Variants in PTK7 observed in about 807,000 individuals in gnomAD.
The protein encoded by PTK7 is protein tyrosine kinase 7 (inactive).
In PTK7, 39 loss-of-function variants were observed where a neutral mutation model predicts 116.6. The ratio of observed to expected loss-of-function variants is 0.33; its 90% CI spans 0.26 to 0.44. The LOEUF (loss-of-function observed/expected upper bound fraction) is 0.44, where lower values mean the gene tolerates loss of function less well. Among genes scored for constraint, PTK7 ranks in the 20% least tolerant of loss-of-function variants. The probability of loss-of-function intolerance (pLI) is 1.00; values close to 1 mark genes in which losing one functional copy is unlikely to be tolerated. For missense variants in PTK7, 1,169 were observed against 1,425.6 expected, an observed-to-expected ratio of 0.82 and a Z score of 2.90; for synonymous variants, 546 against 563.6, an observed-to-expected ratio of 0.97 and a Z score of 0.44.
At chr6:43,091,397 C>G (rs1215350883) in intron 1 of PTK7, among the ~76,000 whole-genome samples, 1 of 152,134 alleles carries the variant, frequency 6.6e-6, no homozygotes, top group Non-Finnish European at 1.5e-5. Context: ...CAACTCCTGA[C>G]CTCAGGTGAT....
rs555659893 is a variant in PTK7 at position 43,145,464 on chromosome 6, G to C, written c.2640+32G>C. 4.0e-6 allele frequency: 6 copies of C among 1,491,662 alleles called. No individual in the cohort carries two copies. The African/African-American group carries it at 4.2e-5, about 10-fold the overall frequency. 92.4% of individuals were successfully genotyped at this position (1,491,662 alleles called of 1,614,324 possible). On this transcript the variant is annotated intron_variant, in intron 16 of 19. Transcript: ENST00000230419. This position sits in a 1 kb window ranked among gnomAD's most constrained non-coding sequence, Gnocchi z 4.8. ...TGTTGGCAGGGGACGTGGGGGTCTCGGGTAGGGAGGGCAGTGTCCTACAAA... is the reference window on the plus strand; with the variant it reads ...TGTTGGCAGGGGACGTGGGGGTCTCCGGTAGGGAGGGCAGTGTCCTACAAA...
At chr6:43,113,311 T>C (rs79421972) in intron 1 of PTK7, among the ~76,000 whole-genome samples, 16,530 of 151,974 alleles carry the variant, frequency 0.11, 1,438 homozygotes, top group East Asian at 0.31. Flanking sequence ...CACGTAGCTG[T>C]AGTCCTAGCT....
chr6:43,125,952 GCTTGTCCACA>G (rs71547830), intron 1 of PTK7, among the ~76,000 whole-genome samples: 2,201 of 152,268 alleles, frequency 0.014, 27 homozygotes, highest in Non-Finnish European at 0.022. Flanking sequence ...GGAAGTGGGG[GCTTGTCCACA>G]CTTCGAAGGC....
rs1770245435 is a variant in PTK7, at chr6:43,139,337, G to A, written c.1498+66G>A. 1.9e-6 allele frequency: 3 copies of A among 1,614,034 alleles called. No homozygotes were observed. The highest frequency in any genetic ancestry group is 2.5e-6 in the Non-Finnish European group (3 of 1,179,886). ...GCAGGAGAGGAAAGGGGAGGGAGCAGCAGGCCTGGCCACGGCCTCTCCAGC... is the reference window on the plus strand; with the variant it reads ...GCAGGAGAGGAAAGGGGAGGGAGCAACAGGCCTGGCCACGGCCTCTCCAGC... On this transcript the variant is annotated intron_variant, in intron 9 of 19. Transcript: ENST00000230419. This position sits in a 1 kb window ranked among gnomAD's most constrained non-coding sequence, Gnocchi z 4.6.
intron 1 of PTK7, among the ~76,000 whole-genome samples, chr6:43,089,957 CAG>C (rs1446483498): frequency 1.3e-5 from 2 of 152,250 alleles, no homozygotes; most frequent in Admixed American, 1.3e-4. Flanking sequence ...GGGGTGCTCT[CAG>C]GGGTTGTACA....
intron 1 of PTK7, among the ~76,000 whole-genome samples, chr6:43,084,409 T>A (rs1054690879): frequency 6.6e-6 from 1 of 152,214 alleles, no homozygotes; most frequent in Admixed American, 6.5e-5. Flanking sequence ...TGCCAAAGTG[T>A]TGGGATTACA....
intron 1 of PTK7, among the ~76,000 whole-genome samples, chr6:43,080,954 TACACAC>T (rs59525398): frequency 8.8e-5 from 13 of 148,318 alleles, no homozygotes; most frequent in African/African-American, 2.2e-4. Flanking sequence ...AAAAAAAAAA[TACACAC>T]ACACACACAC....
Position 43,141,115 on chromosome 6 carries a change from G to GA in PTK7, c.1619-550dup, listed in dbSNP as rs1233840581. ...CTGGATTTAGGTTTATTTCCTTTGG[G>GA]AAAGATTCCCAGAATTGGGATAATT... On this transcript the variant is annotated intron_variant, in intron 10 of 19. Transcript: ENST00000230419. This position sits in a 1 kb window ranked among gnomAD's most constrained non-coding sequence, Gnocchi z 4.9. 2.6e-5 allele frequency among the ~76,000 whole-genome samples: 4 copies of GA among 152,000 alleles called. No homozygotes were observed. The highest frequency in any genetic ancestry group is 1.3e-4 in the Admixed American group (2 of 15,262).
intron 16 of PTK7, chr6:43,146,007 A>T (rs1770704423): frequency 6.5e-6 from 1 of 152,734 alleles, no homozygotes; most frequent in Admixed American, 6.5e-5. Flanking sequence ...AAGAGCGGGC[A>T]GGAGTCCTAT....
intron 1 of PTK7, among the ~76,000 whole-genome samples, chr6:43,105,198 T>G (rs1055469771): frequency 4.6e-5 from 7 of 151,568 alleles, no homozygotes; most frequent in Non-Finnish European, 1.0e-4. Context: ...TTGTTTCCAT[T>G]CTCTTTGGAA....
chr6:43,150,995 G>C (rs1771041431), intron 17 of PTK7, among the ~76,000 whole-genome samples: 1 of 149,456 alleles, frequency 6.7e-6, no homozygotes, highest in South Asian at 2.1e-4. Flanking sequence ...ACTAATTTTT[G>C]TATTTTTAGC....
At chr6:43,156,836 G>A (rs546171296) in intron 17 of PTK7, among the ~76,000 whole-genome samples, 1 of 152,010 alleles carries the variant, frequency 6.6e-6, no homozygotes, top group African/African-American at 2.4e-5. Context: ...GGTGGAGTTT[G>A]CAGTGAGCCG....
At chr6:43,107,111 C>T (rs1334238446) in intron 1 of PTK7, among the ~76,000 whole-genome samples, 5 of 151,366 alleles carry the variant, frequency 3.3e-5, no homozygotes, top group Non-Finnish European at 5.9e-5. Flanking sequence ...TTAGTAGAGG[C>T]GGATTTTCAC....
intron 7 of PTK7, among the ~76,000 whole-genome samples, chr6:43,136,705 A>G (rs1582174085): frequency 6.6e-6 from 1 of 152,154 alleles, no homozygotes; most frequent in Non-Finnish European, 1.5e-5. Flanking sequence ...TCCAGGGACT[A>G]GAAAAATACA....
At chr6:43,087,132 A>G (rs959070217) in intron 1 of PTK7, among the ~76,000 whole-genome samples, 2 of 152,208 alleles carry the variant, frequency 1.3e-5, no homozygotes, top group South Asian at 2.1e-4. Flanking sequence ...GGATGGGGCA[A>G]TCCTGCCTGT....
chr6:43,140,288 C>T (rs1211912085), intron 10 of PTK7, among the ~76,000 whole-genome samples: 1 of 151,820 alleles, frequency 6.6e-6, no homozygotes, highest in Non-Finnish European at 1.5e-5. Flanking sequence ...CTCGTCTCTA[C>T]TGAAAATACA....
chr6:43,089,778 G>T (rs2150376930), intron 1 of PTK7, among the ~76,000 whole-genome samples: 1 of 152,166 alleles, frequency 6.6e-6, no homozygotes, highest in African/African-American at 2.4e-5. Flanking sequence ...CTGTAGGAAG[G>T]TCTCTCTCTC....
chr6:43,105,450 CAAAA>C (rs34623759), intron 1 of PTK7, among the ~76,000 whole-genome samples: 3 of 93,424 alleles, frequency 3.2e-5, no homozygotes, highest in South Asian at 4.0e-4. Context: ...AACTGTATAG[CAAAA>C]AAAAAAAAAA....
intron 1 of PTK7, among the ~76,000 whole-genome samples, chr6:43,105,036 C>T (rs1045485926): frequency 1.3e-5 from 2 of 151,230 alleles, no homozygotes; most frequent in East Asian, 3.9e-4. Context: ...TGGTCTCGAT[C>T]GCCTGACCTT....
Sources: gnomAD v4.1 joint callset for allele counts (sites outside exome capture counted in the v4.1 genomes callset) on GRCh38, gnomAD v4.1.1 for gene constraint, Gnocchi (gnomAD v3.1) non-coding constraint, MANE v1.5 for transcripts, NCBI Gene and HGNC (gene_info 2026-07-23, HGNC 2026-07-21) for gene names.